CSMD3: variants seen among roughly 807,000 people sequenced by gnomAD.
CSMD3 encodes CUB and Sushi multiple domains 3.
In CSMD3, 177 loss-of-function variants were observed where a neutral mutation model predicts 435.2. The observed-to-expected ratio is 0.41, with a 90% CI of 0.36 to 0.46. The LOEUF is 0.46. Ranked by LOEUF, CSMD3 falls within the 20% of genes least tolerant of loss-of-function variation. CSMD3 has a pLI of 0.34. For synonymous variants in CSMD3, 1,656 were observed against 1,520.5 expected (o/e 1.09, Z -2.07); for missense variants, 4,265 against 4,504.6 (o/e 0.95, Z 1.52).
At chr8:112,374,924 C>T (rs1378337007) in intron 38 of CSMD3, among the ~76,000 whole-genome samples, 2 of 152,012 alleles carry the variant, frequency 1.3e-5, no homozygotes, top group Non-Finnish European at 2.9e-5. Context: ...CATTTTGAAC[C>T]CAAAGCATCG....
chr8:112,613,965 GT>G (rs1169185517), intron 22 of CSMD3, among the ~76,000 whole-genome samples: 1 of 151,992 alleles, frequency 6.6e-6, no homozygotes, highest in African/African-American at 2.4e-5. Flanking sequence ...GTAGAATTTT[GT>G]TTTTATTTAA....
chr8:113,286,072 C>G (rs2093644655), intron 2 of CSMD3, among the ~76,000 whole-genome samples: 1 of 151,230 alleles, frequency 6.6e-6, no homozygotes, highest in African/African-American at 2.4e-5. Context: ...AATTGATAAT[C>G]TCTATTCTTA....
At chr8:112,364,858 G>A (rs1333555152) in intron 38 of CSMD3, among the ~76,000 whole-genome samples, 1 of 152,052 alleles carries the variant, frequency 6.6e-6, no homozygotes, top group African/African-American at 2.4e-5. Context: ...AAAATTGTCA[G>A]TTTAAGAATT....
chr8:112,472,833 T>C (rs1818664183), intron 31 of CSMD3, 126 bp from the exon 32 acceptor site: 1 of 656,114 alleles, frequency 1.5e-6, no homozygotes, highest in Non-Finnish European at 2.7e-6. Context: ...ATTTGCATCT[T>C]ATAATAAGAT....
At chr8:112,650,108 T>C (rs2075086611) in intron 19 of CSMD3, 53 bp downstream of exon 19, 3 of 1,298,080 alleles carry the variant, frequency 2.3e-6, no homozygotes, top group Non-Finnish European at 3.4e-6. Context: ...AAAAACTACA[T>C]TGATTTTTCT....
chr8:113,150,798 A>AT (rs1007506590), intron 4 of CSMD3, among the ~76,000 whole-genome samples: 1 of 152,010 alleles, frequency 6.6e-6, no homozygotes, highest in African/African-American at 2.4e-5. Flanking sequence ...GATTGAACAG[A>AT]TCAGGCCATG....
intron 5 of CSMD3, among the ~76,000 whole-genome samples, chr8:113,050,433 G>A (rs556324096): frequency 6.6e-6 from 1 of 152,136 alleles, no homozygotes; most frequent in East Asian, 1.9e-4. Flanking sequence ...GATGATTGGT[G>A]ATCTGATTTA....
rs368263989 is a variant in CSMD3 at position 112,749,396 on chromosome 8, T to G, written c.1972+50766A>C. ...TTTGTTGCATTTGCTTTTGGTGTCT[T>G]TGTCATAAAACGTTTTCCCGTTCCT... On this transcript the variant is annotated intron_variant, in intron 13 of 70. Coordinates refer to ENST00000297405, the MANE Select transcript of CSMD3 (RefSeq NM_198123.2). 4.1e-4 allele frequency among the ~76,000 whole-genome samples: 63 copies of G among 152,270 alleles called. No homozygotes were observed. In the East Asian group the frequency reaches 0.012, roughly 28 times the overall value.
At chr8:112,426,229 AGT>A (rs889020415) in intron 32 of CSMD3, among the ~76,000 whole-genome samples, 3 of 152,100 alleles carry the variant, frequency 2.0e-5, no homozygotes, top group Non-Finnish European at 4.4e-5. Flanking sequence ...GGTGAATTTG[AGT>A]GTGTGTGCAG....
chr8:113,112,644 T>G (rs991733797), intron 4 of CSMD3, among the ~76,000 whole-genome samples: 3 of 151,494 alleles, frequency 2.0e-5, no homozygotes, highest in African/African-American at 7.3e-5. Context: ...GAAGCTTATT[T>G]CAATGGCTGG....
chr8:113,124,232 A>C (rs962519464), intron 4 of CSMD3, among the ~76,000 whole-genome samples: 1 of 152,012 alleles, frequency 6.6e-6, no homozygotes, highest in Non-Finnish European at 1.5e-5. Flanking sequence ...GGTGTACAAA[A>C]TGCATACTGC....
intron 5 of CSMD3, among the ~76,000 whole-genome samples, chr8:113,061,168 A>C (rs1037105490): frequency 1.3e-5 from 2 of 152,062 alleles, no homozygotes; most frequent in Non-Finnish European, 2.9e-5. Context: ...CAGATCTTTT[A>C]AGGTCCCATA....
At chr8:112,518,956 C>G (rs934942170) in intron 27 of CSMD3, among the ~76,000 whole-genome samples, 1 of 151,960 alleles carries the variant, frequency 6.6e-6, no homozygotes, top group South Asian at 2.1e-4. Context: ...TTTCAAATAA[C>G]CAGATCTCAT....
chr8:112,341,016 G>A (rs901183079), intron 42 of CSMD3, among the ~76,000 whole-genome samples: 1 of 152,022 alleles, frequency 6.6e-6, no homozygotes, highest in Non-Finnish European at 1.5e-5. Context: ...GATTATCAAA[G>A]TATTTATATT....
chr8:113,229,563 T>C (rs2093062680), intron 3 of CSMD3, among the ~76,000 whole-genome samples: 1 of 151,590 alleles, frequency 6.6e-6, no homozygotes, highest in African/African-American at 2.4e-5. Context: ...CTTGGGCATA[T>C]TGCCAAAGAG....
intron 67 of CSMD3, among the ~76,000 whole-genome samples, chr8:112,236,557 T>G (rs1387136155): frequency 6.6e-6 from 1 of 152,146 alleles, no homozygotes; most frequent in Non-Finnish European, 1.5e-5. Flanking sequence ...AGAATATGTC[T>G]GACAGCATTT....
At chr8:113,176,946 A>G (rs559894928) in intron 3 of CSMD3, among the ~76,000 whole-genome samples, 2 of 151,918 alleles carry the variant, frequency 1.3e-5, no homozygotes, top group Non-Finnish European at 2.9e-5. Context: ...TGAATTACTC[A>G]ACCATGTTCA....
At chr8:112,560,812 A>C (rs1277278547) in intron 24 of CSMD3, among the ~76,000 whole-genome samples, 1 of 151,742 alleles carries the variant, frequency 6.6e-6, no homozygotes, top group Non-Finnish European at 1.5e-5. Context: ...TTGCTCAAAA[A>C]TTACAAGTTT....
intron 5 of CSMD3, among the ~76,000 whole-genome samples, chr8:113,022,117 A>G (rs1160768188): frequency 1.3e-5 from 2 of 152,178 alleles, no homozygotes; most frequent in Non-Finnish European, 2.9e-5. Context: ...ATAAATCTCT[A>G]TATCTCTGTC....
Sources: gnomAD v4.1 joint callset for allele counts (sites outside exome capture counted in the v4.1 genomes callset) on GRCh38, gnomAD v4.1.1 for gene constraint, MANE v1.5 for transcripts, NCBI Gene and HGNC (gene_info 2026-07-23, HGNC 2026-07-21) for gene names.